Variants in LRP1B observed in about 807,000 individuals in gnomAD.
LRP1B encodes low-density lipoprotein receptor-related protein 1B.
In LRP1B, 217 loss-of-function variants were observed where a neutral mutation model predicts 556.6. The observed-to-expected ratio is 0.39, with a 90% CI of 0.35 to 0.44. The LOEUF is 0.44. Among genes scored for constraint, LRP1B ranks in the 20% least tolerant of loss-of-function variants. The pLI is 1.00. For synonymous variants in LRP1B, 2,047 were observed against 1,865.8 expected (o/e 1.10, Z -2.50); for missense variants, 5,053 against 5,620.8 (o/e 0.90, Z 3.23).
intron 18 of LRP1B, among the ~76,000 whole-genome samples, chr2:140,981,881 C>A (rs989669379): frequency 6.6e-6 from 1 of 152,108 alleles, no homozygotes; most frequent in South Asian, 2.1e-4. Context: ...TTGAGAGTGT[C>A]CTGTTAGCCG....
chr2:140,701,914 T>A (rs1686659231), intron 39 of LRP1B, 69 bp from the exon 40 acceptor site: 1 of 1,583,470 alleles, frequency 6.3e-7, no homozygotes, highest in South Asian at 1.1e-5. Flanking sequence ...TTACTTAAGC[T>A]GAAGATAACA....
chr2:140,417,633 G>T (rs1685256866), intron 66 of LRP1B, among the ~76,000 whole-genome samples: 1 of 152,146 alleles, frequency 6.6e-6, no homozygotes, highest in African/African-American at 2.4e-5. Flanking sequence ...AATTAAGTAG[G>T]TCATTTTATG....
intron 10 of LRP1B, among the ~76,000 whole-genome samples, chr2:141,049,825 A>T (rs1301206030): frequency 6.6e-6 from 1 of 152,060 alleles, no homozygotes; most frequent in Non-Finnish European, 1.5e-5. Flanking sequence ...AGAATGTTAG[A>T]GGCTGATGCT....
intron 3 of LRP1B, among the ~76,000 whole-genome samples, chr2:141,269,713 A>G (rs1685016584): frequency 6.6e-6 from 1 of 152,204 alleles, no homozygotes; most frequent in Non-Finnish European, 1.5e-5. Context: ...TACATTACAT[A>G]AAATTCTTTT....
intron 3 of LRP1B, among the ~76,000 whole-genome samples, chr2:141,322,575 C>A (rs569086724): frequency 6.6e-6 from 1 of 151,948 alleles, no homozygotes; most frequent in African/African-American, 2.4e-5. Flanking sequence ...CCATCCTTTG[C>A]ACAATTAAGA....
rs1491564122 is a variant in LRP1B at position 142,115,534 on chromosome 2, T to TTA, written c.82+15112_82+15113dup. ...ATATATTACATATATAATATATATATTACATATGTAATATATATATTATAT... is the reference window on the plus strand; with the variant it reads ...ATATATTACATATATAATATATATATTATACATATGTAATATATATATTATAT... On this transcript the variant is annotated intron_variant, in intron 1 of 90. Transcript: ENST00000389484. Among the ~76,000 whole-genome samples the TTA allele has an allele frequency of 2.3e-4, 10 of 43,996 alleles. 2 individuals carry two copies. Among genetic ancestry groups the TTA allele is most frequent in the Non-Finnish European group, 3.3e-4 (7 of 21,444 alleles). The allele number at this position is 43,996 out of a possible 152,430, so 28.9% of individuals were successfully genotyped here. A position where few individuals can be genotyped will look rare whatever the true frequency, so the allele number is the denominator to read the frequency against.
At chr2:141,634,034 TTTC>T (rs1474832069) in intron 2 of LRP1B, among the ~76,000 whole-genome samples, 1 of 148,842 alleles carries the variant, frequency 6.7e-6, no homozygotes, top group Non-Finnish European at 1.5e-5. Flanking sequence ...ACAGCAATGC[TTTC>T]TTTTTTTTTT....
intron 66 of LRP1B, among the ~76,000 whole-genome samples, chr2:140,441,082 G>C (rs549467981): frequency 6.6e-6 from 1 of 151,882 alleles, no homozygotes; most frequent in Non-Finnish European, 1.5e-5. Context: ...CATATTTCTC[G>C]GGCCATATGG....
intron 3 of LRP1B, among the ~76,000 whole-genome samples, chr2:141,374,051 G>T (rs947917981): frequency 5.9e-5 from 9 of 151,976 alleles, no homozygotes; most frequent in African/African-American, 1.7e-4. Context: ...CAGTCTAGTG[G>T]TTACAAATTC....
chr2:140,667,451 C>A lies in LRP1B; in HGVS notation c.6799+32799G>T, dbSNP rs375181437. ...CTAAGGCTCCAAGCTAGAATGACTGCTAATAATGTTTACTCTCTTCCTATA... is the reference window on the plus strand; with the variant it reads ...CTAAGGCTCCAAGCTAGAATGACTGATAATAATGTTTACTCTCTTCCTATA... On this transcript the variant is annotated intron_variant, in intron 41 of 90. Transcript: ENST00000389484. 4.6e-5 allele frequency among the ~76,000 whole-genome samples: 7 copies of A among 152,250 alleles called. No homozygotes were observed. In the East Asian group the frequency reaches 1.2e-3, roughly 25 times the overall value.
At chr2:141,729,309 T>C (rs1031156076) in intron 2 of LRP1B, among the ~76,000 whole-genome samples, 1 of 152,190 alleles carries the variant, frequency 6.6e-6, no homozygotes, top group Non-Finnish European at 1.5e-5. Context: ...TGCTATTCTT[T>C]TTTTTTAGTC....
chr2:141,742,932 T>C lies in LRP1B; in HGVS notation c.205+67347A>G, dbSNP rs1321716393. ...TATTCATTGTTGGCATATAGAAATG[T>C]TACTGATTTTTGTATGTTGATTTTG... On this transcript the variant is annotated intron_variant, in intron 2 of 90. Coordinates refer to ENST00000389484, the MANE Select transcript of LRP1B (RefSeq NM_018557.3). Among the ~76,000 whole-genome samples the C allele has an allele frequency of 3.3e-5, 5 of 152,272 alleles. No homozygotes were observed. In the East Asian group the frequency reaches 7.7e-4, roughly 24 times the overall value.
At chr2:140,805,136 G>C (rs1690666391) in intron 32 of LRP1B, among the ~76,000 whole-genome samples, 1 of 152,148 alleles carries the variant, frequency 6.6e-6, no homozygotes, top group Non-Finnish European at 1.5e-5. Context: ...ACATGAGTCT[G>C]CAAATACACA....
rs183856864 is a variant in LRP1B, at chr2:140,729,521, G to T, written c.5759-12705C>A. 3.7e-3 allele frequency among the ~76,000 whole-genome samples: 568 copies of T among 152,036 alleles called. 2 individuals carry two copies. The highest frequency in any genetic ancestry group is 0.013 in the African/African-American group (533 of 41,472). ...ACAATACATAAATGTGCTATGCTTG[G>T]ACTTTCAGGAAAAAAAATACACAAT... On this transcript the variant is annotated intron_variant, in intron 35 of 90. Transcript: ENST00000389484.
chr2:140,860,854 A>G (rs1692766125), intron 27 of LRP1B, among the ~76,000 whole-genome samples: 2 of 152,168 alleles, frequency 1.3e-5, no homozygotes, highest in South Asian at 4.1e-4. Flanking sequence ...GATGGGTGGT[A>G]GAGAAGAAGC....
chr2:141,324,422 AT>A (rs1427752038), intron 3 of LRP1B, among the ~76,000 whole-genome samples: 3 of 152,094 alleles, frequency 2.0e-5, no homozygotes, highest in African/African-American at 7.2e-5. Flanking sequence ...CTGTCATGTT[AT>A]TCCAGATTCT....
intron 7 of LRP1B, among the ~76,000 whole-genome samples, chr2:141,107,273 G>T (rs898044410): frequency 6.6e-6 from 1 of 151,928 alleles, no homozygotes; most frequent in African/African-American, 2.4e-5. Flanking sequence ...ATATTTATAG[G>T]GTGATTTATG....
Position 141,621,353 on chromosome 2 carries a change from T to C in LRP1B, c.206-140820A>G, listed in dbSNP as rs554675764. 2.0e-5 allele frequency among the ~76,000 whole-genome samples: 3 copies of C among 152,276 alleles called. No individual in the cohort carries two copies. The South Asian group carries it at 6.2e-4, about 32-fold the overall frequency. ...CATGAATAATGATGAATTCTGACCATTGCCTATTGTAATTAAGATAAATGA... is the reference window on the plus strand; with the variant it reads ...CATGAATAATGATGAATTCTGACCACTGCCTATTGTAATTAAGATAAATGA... On this transcript the variant is annotated intron_variant, in intron 2 of 90. Transcript: ENST00000389484.
intron 43 of LRP1B, among the ~76,000 whole-genome samples, chr2:140,590,341 G>A (rs538371848): frequency 2.0e-5 from 3 of 146,442 alleles, no homozygotes; most frequent in African/African-American, 2.5e-5. Flanking sequence ...AAATGTGTGT[G>A]TGTATATATA....
Sources: gnomAD v4.1 joint callset for allele counts (sites outside exome capture counted in the v4.1 genomes callset) on GRCh38, gnomAD v4.1.1 for gene constraint, MANE v1.5 for transcripts, NCBI Gene and HGNC (gene_info 2026-07-23, HGNC 2026-07-21) for gene names.